Variants in DLGAP2 observed in about 807,000 individuals in gnomAD.
DLGAP2 encodes the protein DLG associated protein 2.
Under a neutral mutation model 100.3 loss-of-function variants are expected in DLGAP2, and 26 were observed. That is an observed-to-expected ratio of 0.26 (90% CI 0.19 to 0.36). The LOEUF (loss-of-function observed/expected upper bound fraction) is 0.36, where lower values mean the gene tolerates loss of function less well. Among genes scored for constraint, DLGAP2 ranks in the 10% least tolerant of loss-of-function variants. The pLI is 1.00. For synonymous variants in DLGAP2, 886 were observed against 630.1 expected, an observed-to-expected ratio of 1.41 and a Z score of -6.08; for missense variants, 1,858 against 1,453.2, an observed-to-expected ratio of 1.28 and a Z score of -4.53.
chr8:1,281,567 G>A (rs75138469), intron 3 of DLGAP2, among the ~76,000 whole-genome samples: 4,735 of 152,262 alleles, frequency 0.031, 141 homozygotes, highest in South Asian at 0.13. Flanking sequence ...AGACATGAGC[G>A]GAGACCCAGG....
At chr8:1,266,596 A>G (rs569483486) in intron 3 of DLGAP2, among the ~76,000 whole-genome samples, 1 of 152,146 alleles carries the variant, frequency 6.6e-6, no homozygotes, top group Non-Finnish European at 1.5e-5. Flanking sequence ...TGGTCTGTCC[A>G]ATGCTGTTTA....
chr8:1,127,286 G>A (rs529092022), intron 2 of DLGAP2, among the ~76,000 whole-genome samples: 7 of 151,890 alleles, frequency 4.6e-5, no homozygotes, highest in South Asian at 2.1e-4. Flanking sequence ...ACTCCAGGTC[G>A]GGTGAACCCC....
intron 3 of DLGAP2, among the ~76,000 whole-genome samples, chr8:1,431,810 G>A (rs1207394892): frequency 6.6e-6 from 1 of 152,194 alleles, no homozygotes; most frequent in East Asian, 1.9e-4. Flanking sequence ...TGCATGACAG[G>A]GACTCTTCTG....
At chr8:1,520,688 C>G (rs1371313502) in intron 4 of DLGAP2, among the ~76,000 whole-genome samples, 3 of 152,136 alleles carry the variant, frequency 2.0e-5, no homozygotes, top group African/African-American at 4.8e-5. Flanking sequence ...AGTGTGAAGG[C>G]TTTTTCATGG....
chr8:1,161,398 C>G (rs1317820475), intron 2 of DLGAP2, among the ~76,000 whole-genome samples: 1 of 152,166 alleles, frequency 6.6e-6, no homozygotes, highest in African/African-American at 2.4e-5. Flanking sequence ...ACTTCCTGAT[C>G]AAAGGTTCTC....
intron 2 of DLGAP2, among the ~76,000 whole-genome samples, chr8:1,188,525 A>T (rs1797565184): frequency 6.7e-6 from 1 of 148,930 alleles, no homozygotes; most frequent in African/African-American, 2.5e-5. Flanking sequence ...GACCTCTGTG[A>T]CGTTTCCCTC....
chr8:1,491,983 C>G (rs1181138294), intron 3 of DLGAP2, among the ~76,000 whole-genome samples: 2 of 152,238 alleles, frequency 1.3e-5, no homozygotes, highest in Non-Finnish European at 2.9e-5. Flanking sequence ...CCGGGCTCCG[C>G]TGTCGTGCGC....
At chr8:867,778 T>A (rs1050957926) in intron 1 of DLGAP2, among the ~76,000 whole-genome samples, 2 of 152,226 alleles carry the variant, frequency 1.3e-5, no homozygotes, top group Non-Finnish European at 2.9e-5. Context: ...ATAGGGGAAG[T>A]GAAGCTTTGA....
chr8:1,641,705 G>C (rs1318223366), intron 8 of DLGAP2, among the ~76,000 whole-genome samples: 1 of 152,120 alleles, frequency 6.6e-6, no homozygotes, highest in African/African-American at 2.4e-5. Context: ...AACAGTTACT[G>C]TAAGAAAGGA....
Position 1,109,952 on chromosome 8 carries a change from C to T in DLGAP2, c.74-148899C>T, listed in dbSNP as rs1297343939. 5.8e-5 allele frequency among the ~76,000 whole-genome samples: 3 copies of T among 52,074 alleles called. No individual in the cohort carries two copies. The East Asian group carries it at 2.0e-3, about 34-fold the overall frequency. 34.2% of individuals were successfully genotyped at this position (52,074 alleles called of 152,430 possible). On this transcript the variant is annotated intron_variant, in intron 2 of 14. Transcript: ENST00000637795. ...CTGTGAGGTGTGCATAGGTCTGTGA[C>T]GTGCTGGGTCTGTGAGGTGTGTACG...
chr8:1,278,458 A>C (rs550273748), intron 3 of DLGAP2, among the ~76,000 whole-genome samples: 8 of 152,334 alleles, frequency 5.3e-5, no homozygotes, highest in African/African-American at 1.7e-4. Flanking sequence ...AATGAATTCC[A>C]ATACAATTAA....
At chr8:1,470,775 A>ACCCCTCCAGGCTTTCACGAC (rs1563168449) in intron 3 of DLGAP2, among the ~76,000 whole-genome samples, 2 of 76,046 alleles carry the variant, frequency 2.6e-5, no homozygotes, top group Non-Finnish European at 6.4e-5. Flanking sequence ...GCCTTTCCCG[A>ACCCCTCCAGGCTTTCACGAC]CTCCCCCAGC....
intron 1 of DLGAP2, among the ~76,000 whole-genome samples, chr8:813,228 G>C (rs558366624): frequency 6.6e-6 from 1 of 151,298 alleles, no homozygotes; most frequent in Non-Finnish European, 1.5e-5. Context: ...CTGTTATCTC[G>C]TGGATATCCT....
At chr8:742,015 G>T (rs1406192839) in intron 1 of DLGAP2, among the ~76,000 whole-genome samples, 1 of 152,216 alleles carries the variant, frequency 6.6e-6, no homozygotes, top group South Asian at 2.1e-4. Context: ...TGAGGATGCT[G>T]TTGGAAGCTC....
At chr8:1,465,232 G>T (rs552379830) in intron 3 of DLGAP2, among the ~76,000 whole-genome samples, 1 of 152,362 alleles carries the variant, frequency 6.6e-6, no homozygotes, top group Admixed American at 6.5e-5. Context: ...CCCCCCACAC[G>T]TGGGTTCCAT....
intron 2 of DLGAP2, among the ~76,000 whole-genome samples, chr8:1,251,942 C>G (rs1022866893): frequency 2.0e-5 from 3 of 152,254 alleles, no homozygotes; most frequent in Non-Finnish European, 4.4e-5. Context: ...GTCATGTTGT[C>G]CTGGGTCATG....
At chr8:1,300,334 G>C (rs1331158916) in intron 3 of DLGAP2, 2 of 152,100 alleles carry the variant, frequency 1.3e-5, no homozygotes, top group Non-Finnish European at 2.9e-5. Flanking sequence ...TGAGGGGAAG[G>C]GTAGGAAAGG....
chr8:1,455,384 C>G (rs866402053), intron 3 of DLGAP2, among the ~76,000 whole-genome samples: 39 of 152,206 alleles, frequency 2.6e-4, no homozygotes, highest in Non-Finnish European at 3.8e-4. Flanking sequence ...ATGAGTCCCC[C>G]TGCCCCTCGG....
chr8:1,060,530 C>T (rs140693496), intron 2 of DLGAP2, among the ~76,000 whole-genome samples: 2 of 152,204 alleles, frequency 1.3e-5, no homozygotes, highest in African/African-American at 4.8e-5. Flanking sequence ...AGCGTCTCTT[C>T]TTAAAAGGAT....
Sources: allele counts gnomAD v4.1 joint callset (sites outside exome capture counted in the v4.1 genomes callset), GRCh38; gene constraint gnomAD v4.1.1; transcripts MANE v1.5; gene names NCBI Gene and HGNC (gene_info 2026-07-23, HGNC 2026-07-21).